The following CFAP73 variants were observed in gnomAD, a reference collection of about 807,000 sequenced individuals.
CFAP73 encodes cilia and flagella associated protein 73.
A neutral mutation model predicts 42.9 loss-of-function variants in CFAP73; 33 were observed. The observed-to-expected ratio is 0.77, with a 90% CI of 0.58 to 1.03. The LOEUF is 1.03. Among genes scored for constraint, CFAP73 ranks in the 50% least tolerant of loss-of-function variants. The pLI is 0.00. For missense variants in CFAP73, 392 were observed against 411.9 expected (o/e 0.95, Z 0.42); for synonymous variants, 162 against 186.8 (o/e 0.87, Z 1.08).
chr12:113,152,774 C>A lies in CFAP73; in HGVS notation c.163-9C>A. On this transcript the variant is annotated splice_polypyrimidine_tract_variant and intron_variant, in intron 2 of 7. Coordinates refer to ENST00000335621, the MANE Select transcript of CFAP73 (RefSeq NM_001144872.3). ...GAACCCACACAGACAACCCACTCCT[C>A]ACCCCCAGGTGTTCCGCACCAAGAC... 6.5e-7 allele frequency: 1 copy of A among 1,549,208 alleles called. No homozygotes were observed.
In CFAP73 at chr12:113,159,103, G is replaced by A. The variant is rs750446829; in HGVS notation, c.*414G>A. 2 of 1,595,918 alleles carry A rather than the reference G, an allele frequency of 1.3e-6. No individual in the cohort carries two copies. Among genetic ancestry groups the A allele is most frequent in the Non-Finnish European group, 1.7e-6 (2 of 1,172,286 alleles). ...AGGGGTGCCTGGGGCGTGGGGCCGG[G>A]ATGCACCTGCTGGGACAGGGATTCA... On this transcript the variant is annotated 3_prime_UTR_variant, in exon 8 of 8. Coordinates refer to ENST00000335621, the MANE Select transcript of CFAP73 (RefSeq NM_001144872.3).
At chr12:113,157,552 T>TG in intron 6 of CFAP73, 50 bp from the exon 7 acceptor site, 1 of 1,502,432 alleles carries the variant, frequency 6.7e-7, no homozygotes, top group Non-Finnish European at 9.1e-7. Flanking sequence ...GGGTGGGGGC[T>TG]GGACAGTGAC....
In CFAP73 at chr12:113,154,275, C is replaced by T; in HGVS notation, c.469-139C>T. 1.9e-6 allele frequency: 2 copies of T among 1,074,472 alleles called. No homozygotes were observed. The highest frequency in any genetic ancestry group is 2.7e-6 in the Non-Finnish European group (2 of 743,362). The allele number at this position is 1,074,472 out of a possible 1,614,324, so 66.6% of individuals were successfully genotyped here. On this transcript the variant is annotated intron_variant, in intron 4 of 7. Coordinates refer to ENST00000335621, the MANE Select transcript of CFAP73 (RefSeq NM_001144872.3). The surrounding 1 kb of genome is among the most constrained non-coding windows in gnomAD (Gnocchi z 4.7). ...CCCAGGTGACAGAGCGAGACCTTGT[C>T]TCTAACAAATGGAGGTTGACATTTA...
chr12:113,151,478 A>G lies in CFAP73; in HGVS notation c.57-440A>G, dbSNP rs143349327. ...AACCTGAATGACAGAGCAAGACTCC[A>G]TCTCAAAAACTATATAATAATAATA... On this transcript the variant is annotated intron_variant, in intron 1 of 7. Transcript: ENST00000335621. 2.6e-3 allele frequency among the ~76,000 whole-genome samples: 398 copies of G among 152,146 alleles called. 6 individuals are homozygous for G. The highest frequency in any genetic ancestry group is 8.3e-3 in the African/African-American group (344 of 41,512).
At chr12:113,153,059 C>T in intron 3 of CFAP73, 149 bp from the exon 4 acceptor site, 2 of 909,046 alleles carry the variant, frequency 2.2e-6, no homozygotes, top group South Asian at 1.8e-5. Flanking sequence ...AAAAAGCGGG[C>T]GGGGGAGTTG....
Position 113,153,424 on chromosome 12 carries a change from G to A in CFAP73, c.468+16G>A. ...GCTGCCCGGGGTGAGTCCGGGGCAG[G>A]AGGCTGGGAGCTCGGCGCCACCGCG... On this transcript the variant is annotated intron_variant, in intron 4 of 7. Coordinates refer to ENST00000335621, the MANE Select transcript of CFAP73 (RefSeq NM_001144872.3). 1.4e-6 allele frequency: 2 copies of A among 1,397,196 alleles called. No homozygotes were observed. The highest frequency in any genetic ancestry group is 2.9e-5 in the East Asian group (1 of 34,634). 86.5% of individuals were successfully genotyped at this position (1,397,196 alleles called of 1,614,324 possible). A position where few individuals can be genotyped will look rare whatever the true frequency, so the allele number is the denominator to read the frequency against.
At position 113,159,067 on chromosome 12, in the gene CFAP73, A is replaced by G. The variant is rs1267975176; in HGVS notation, c.*378A>G. 6.2e-7 allele frequency: 1 copy of G among 1,608,506 alleles called. No homozygotes were observed. Among genetic ancestry groups the G allele is most frequent in the East Asian group, 2.2e-5 (1 of 44,838 alleles). On this transcript the variant is annotated 3_prime_UTR_variant, in exon 8 of 8. Transcript: ENST00000335621. The stretch of plus-strand genomic sequence containing the variant: ...CTGCTTGGTCTTGAGTTCCGGGCGG[A>G]CTCGGCCTGCAGGGGTGCCTGGGGC...
rs555973147 is a variant in CFAP73 at position 113,159,065 on chromosome 12, G to T, written c.*376G>T. The T allele has an allele frequency of 6.2e-7, 1 of 1,608,810 alleles. No individual in the cohort carries two copies. Among genetic ancestry groups the T allele is most frequent in the Admixed American group, 1.7e-5 (1 of 59,754 alleles). On this transcript the variant is annotated 3_prime_UTR_variant, in exon 8 of 8. Transcript: ENST00000335621. ...TGCTGCTTGGTCTTGAGTTCCGGGC[G>T]GACTCGGCCTGCAGGGGTGCCTGGG...
intron 5 of CFAP73, 125 bp from the exon 6 acceptor site, chr12:113,155,135 A>C (rs1324664561): frequency 2.4e-6 from 2 of 816,634 alleles, no homozygotes; most frequent in Non-Finnish European, 1.8e-6. Flanking sequence ...AGGCCACTGC[A>C]CTCCAGCCTG....
intron 6 of CFAP73, 134 bp downstream of exon 6, chr12:113,155,552 CCGTGGCT>C: frequency 1.0e-6 from 1 of 1,001,216 alleles, no homozygotes; most frequent in Non-Finnish European, 1.4e-6. Flanking sequence ...CTTGCCCCAG[CCGTGGCT>C]CGATTGTCGG....
At chr12:113,153,494 G>A in intron 4 of CFAP73, 86 bp downstream of exon 4, 1 of 1,113,834 alleles carries the variant, frequency 9.0e-7, no homozygotes, top group Non-Finnish European at 1.2e-6. Flanking sequence ...GCGAACTACT[G>A]GTTCGCTGAA....
chr12:113,153,737 C>G (rs527604166), intron 4 of CFAP73, among the ~76,000 whole-genome samples: 51 of 151,978 alleles, frequency 3.4e-4, no homozygotes, highest in Non-Finnish European at 5.3e-4. Context: ...GGACCACAGG[C>G]GCACGCCACC....
chr12:113,153,681 T>C (rs1952087823), intron 4 of CFAP73, among the ~76,000 whole-genome samples: 1 of 152,144 alleles, frequency 6.6e-6, no homozygotes, highest in South Asian at 2.1e-4. Context: ...CAGCCTCGAC[T>C]TCCTGGGCTC....
At chr12:113,157,545 T>G in intron 6 of CFAP73, 57 bp from the exon 7 acceptor site, 2 of 1,445,684 alleles carry the variant, frequency 1.4e-6, no homozygotes, top group South Asian at 1.2e-5. Context: ...TGTTGAGGGG[T>G]GGGGGCTGGA....
chr12:113,151,354 C>A (rs1277745587), intron 1 of CFAP73, among the ~76,000 whole-genome samples: 1 of 152,124 alleles, frequency 6.6e-6, no homozygotes, highest in Non-Finnish European at 1.5e-5. Context: ...TGGTGGCGTG[C>A]ACCTGTAATC....
chr12:113,154,051 C>A lies in CFAP73; in HGVS notation c.469-363C>A, dbSNP rs1166265990. 1.3e-5 allele frequency among the ~76,000 whole-genome samples: 2 copies of A among 152,014 alleles called. No individual in the cohort carries two copies. The highest frequency in any genetic ancestry group is 4.8e-5 in the African/African-American group (2 of 41,424). ...CTGTAATCCCAACACTTTGGGGGGC[C>A]AAGGCGGGAGGATTGCTTGAAGCCA... On this transcript the variant is annotated intron_variant, in intron 4 of 7. Coordinates refer to ENST00000335621, the MANE Select transcript of CFAP73 (RefSeq NM_001144872.3). The surrounding 1 kb of genome is among the most constrained non-coding windows in gnomAD (Gnocchi z 4.7).
intron 3 of CFAP73, 114 bp downstream of exon 3, chr12:113,153,001 A>G: frequency 2.4e-6 from 2 of 848,674 alleles, no homozygotes; most frequent in Non-Finnish European, 3.6e-6. Context: ...GCAAAAGGAA[A>G]CGGCGGGAAA....
In CFAP73 at chr12:113,153,366, C is replaced by A; in HGVS notation, c.426C>A (p.Pro142=). The change falls in exon 4 of 8, where the codon CCC becomes CCA. Residue 142 remains proline, a synonymous_variant. Coordinates refer to ENST00000335621, the MANE Select transcript of CFAP73 (RefSeq NM_001144872.3). The stretch of plus-strand genomic sequence containing the variant: ...AGCGCCGGCTTAAGCGCCTGGAGCC[C>A]TGCGCGCGCCTGCTGGAGCAAGCGC... ...RLQRRLKRLE[P]CARLLEQALE... The A allele has an allele frequency of 6.8e-7, 1 of 1,480,596 alleles. No individual in the cohort carries two copies. Among genetic ancestry groups the A allele is most frequent in the South Asian group, 1.3e-5 (1 of 77,840 alleles). The allele number at this position is 1,480,596 out of a possible 1,614,324, so 91.7% of individuals were successfully genotyped here. A position where few individuals can be genotyped will look rare whatever the true frequency, so the allele number is the denominator to read the frequency against.
chr12:113,157,336 C>A (rs1566089874), intron 6 of CFAP73: 2 of 495,478 alleles, frequency 4.0e-6, no homozygotes, highest in East Asian at 6.0e-5. Flanking sequence ...AATGAAAATA[C>A]TAATTGGATA....
Sources: gnomAD v4.1 joint callset for allele counts (sites outside exome capture counted in the v4.1 genomes callset) on GRCh38, gnomAD v4.1.1 for gene constraint, Gnocchi (gnomAD v3.1) non-coding constraint, MANE v1.5 for transcripts, NCBI Gene and HGNC (gene_info 2026-07-23, HGNC 2026-07-21) for gene names.